Variants in BICD1 observed in about 807,000 individuals in gnomAD.
BICD1 encodes the protein protein bicaudal D homolog 1.
A neutral mutation model predicts 92.5 loss-of-function variants in BICD1; 35 were observed. That is an observed-to-expected ratio of 0.38 (90% CI 0.29 to 0.50). The LOEUF (loss-of-function observed/expected upper bound fraction) is 0.50, where lower values mean the gene tolerates loss of function less well. Among genes scored for constraint, BICD1 ranks in the 20% least tolerant of loss-of-function variants. The probability of loss-of-function intolerance (pLI) is 0.93; values close to 1 mark genes in which losing one functional copy is unlikely to be tolerated. For missense variants in BICD1, 950 were observed against 1,189.8 expected, an observed-to-expected ratio of 0.80 and a Z score of 2.97; for synonymous variants, 429 against 465.1, an observed-to-expected ratio of 0.92 and a Z score of 1.00.
chr12:32,130,186 T>C (rs528956135), intron 1 of BICD1, among the ~76,000 whole-genome samples: 2 of 151,652 alleles, frequency 1.3e-5, no homozygotes, highest in East Asian at 3.9e-4. Flanking sequence ...AAATTTTAAA[T>C]ATGATAATAT....
intron 2 of BICD1, among the ~76,000 whole-genome samples, chr12:32,221,282 G>A (rs1375671863): frequency 6.7e-6 from 1 of 149,996 alleles, no homozygotes; most frequent in East Asian, 1.9e-4. Context: ...AAAAAAAAAT[G>A]TAAAATGCTT....
chr12:32,119,642 C>T (rs146891715), intron 1 of BICD1, among the ~76,000 whole-genome samples: 7 of 152,330 alleles, frequency 4.6e-5, no homozygotes, highest in African/African-American at 1.4e-4. Flanking sequence ...GAGACCAAGG[C>T]AGATGGATCA....
At chr12:32,242,182 C>T (rs748599487) in intron 2 of BICD1, among the ~76,000 whole-genome samples, 9 of 131,838 alleles carry the variant, frequency 6.8e-5, no homozygotes, top group Non-Finnish European at 1.4e-4. Context: ...CATCACTGCG[C>T]TCCAGCCTAG....
chr12:32,285,613 A>G (rs1298015478), intron 2 of BICD1, among the ~76,000 whole-genome samples: 1 of 152,216 alleles, frequency 6.6e-6, no homozygotes, highest in Non-Finnish European at 1.5e-5. Context: ...AACTGTAAGA[A>G]TGCTGCTATG....
chr12:32,115,380 GTTTTTGGT>G (rs1417824222), intron 1 of BICD1, among the ~76,000 whole-genome samples: 2 of 46,130 alleles, frequency 4.3e-5, no homozygotes, highest in African/African-American at 2.0e-4. Flanking sequence ...TGTGTGTGGT[GTTTTTGGT>G]TTTTTTTTTT....
chr12:32,118,191 T>G (rs949437484), intron 1 of BICD1, among the ~76,000 whole-genome samples: 4 of 151,936 alleles, frequency 2.6e-5, no homozygotes, highest in East Asian at 3.9e-4. Flanking sequence ...CATGCCATTC[T>G]CCTGTCTCAG....
chr12:32,205,331 A>AT (rs1328709278), intron 1 of BICD1, among the ~76,000 whole-genome samples: 1 of 152,130 alleles, frequency 6.6e-6, no homozygotes, highest in Non-Finnish European at 1.5e-5. Context: ...TGGAATCTCT[A>AT]TGTCTTTGTT....
chr12:32,219,513 C>G (rs1389755499), intron 2 of BICD1, among the ~76,000 whole-genome samples: 1 of 151,972 alleles, frequency 6.6e-6, no homozygotes, highest in Non-Finnish European at 1.5e-5. Context: ...TAAACATAAG[C>G]AATTATCATT....
intron 1 of BICD1, among the ~76,000 whole-genome samples, chr12:32,200,995 A>G (rs925496990): frequency 2.0e-5 from 3 of 152,234 alleles, no homozygotes; most frequent in Admixed American, 6.5e-5. Context: ...GAATTTTAAG[A>G]AAGTCGAGGT....
At chr12:32,111,985 C>T (rs1204436894) in intron 1 of BICD1, among the ~76,000 whole-genome samples, 1 of 145,500 alleles carries the variant, frequency 6.9e-6, no homozygotes, top group African/African-American at 2.5e-5. Context: ...CCCAGTTGCT[C>T]TAACTTGCAC....
intron 1 of BICD1, among the ~76,000 whole-genome samples, chr12:32,192,254 AC>A (rs1394750685): frequency 2.0e-5 from 3 of 151,898 alleles, no homozygotes; most frequent in Non-Finnish European, 4.4e-5. Context: ...ACATGGTGAA[AC>A]CCCATCTCTA....
At chr12:32,348,778 A>C (rs1454295294) in intron 8 of BICD1, among the ~76,000 whole-genome samples, 1 of 78,796 alleles carries the variant, frequency 1.3e-5, no homozygotes, top group African/African-American at 5.4e-5. Context: ...ATATATATAT[A>C]TCAGCAGGCA....
At chr12:32,165,905 G>A (rs896974427) in intron 1 of BICD1, among the ~76,000 whole-genome samples, 2 of 152,018 alleles carry the variant, frequency 1.3e-5, no homozygotes, top group African/African-American at 4.8e-5. Flanking sequence ...GAGTCCTAAA[G>A]GGGCTCATTC....
At chr12:32,175,787 T>C (rs1944073262) in intron 1 of BICD1, among the ~76,000 whole-genome samples, 1 of 152,240 alleles carries the variant, frequency 6.6e-6, no homozygotes, top group South Asian at 2.1e-4. Context: ...GTAGCTTTAC[T>C]GAGTGATGCA....
At chr12:32,195,199 TAC>T (rs1027947651) in intron 1 of BICD1, among the ~76,000 whole-genome samples, 148 of 151,846 alleles carry the variant, frequency 9.7e-4, no homozygotes, top group African/African-American at 3.5e-3. Context: ...GAAAGCAACA[TAC>T]AGATTCAATG....
At chr12:32,187,713 CA>C (rs546904863) in intron 1 of BICD1, among the ~76,000 whole-genome samples, 256 of 152,170 alleles carry the variant, frequency 1.7e-3, no homozygotes, top group African/African-American at 6.0e-3. Flanking sequence ...TCTATGGAAA[CA>C]GCAGACACTG....
chr12:32,242,821 G>A (rs1946272590), intron 2 of BICD1, among the ~76,000 whole-genome samples: 1 of 152,148 alleles, frequency 6.6e-6, no homozygotes, highest in African/African-American at 2.4e-5. Context: ...TTTTGCAAAT[G>A]CATTCATTTT....
chr12:32,271,241 C>T (rs2136146958), intron 2 of BICD1, among the ~76,000 whole-genome samples: 1 of 152,262 alleles, frequency 6.6e-6, no homozygotes, highest in South Asian at 2.1e-4. Flanking sequence ...AGGCTATGGC[C>T]CCTTAGTTCT....
At chr12:32,144,622 G>T (rs1445469115) in intron 1 of BICD1, among the ~76,000 whole-genome samples, 1 of 152,220 alleles carries the variant, frequency 6.6e-6, no homozygotes, top group Non-Finnish European at 1.5e-5. Context: ...TCCACTTATA[G>T]TAACAGCACT....
Sources: gnomAD v4.1 joint callset for allele counts (sites outside exome capture counted in the v4.1 genomes callset) on GRCh38, gnomAD v4.1.1 for gene constraint, MANE v1.5 for transcripts, NCBI Gene and HGNC (gene_info 2026-07-23, HGNC 2026-07-21) for gene names.